The following HEPN1 variants were observed in gnomAD, a reference collection of about 807,000 sequenced individuals.
HEPN1 encodes protein HEPN1.
For missense variants in HEPN1, 97 were observed against 103.3 expected, an observed-to-expected ratio of 0.94 and a Z score of 0.26; for synonymous variants, 46 against 41.2, an observed-to-expected ratio of 1.12 and a Z score of -0.45.
At chr11:124,919,820 G>T in exon 1 of HEPN1, 1 of 1,614,162 alleles carries the variant, frequency 6.2e-7, no homozygotes, top group South Asian at 1.1e-5. Flanking sequence ...TAGGAGACTA[G>T]GGATGCAAGG....
At chr11:124,919,653 G>C in exon 1 of HEPN1, 1 of 1,382,364 alleles carries the variant, frequency 7.2e-7, no homozygotes, top group Admixed American at 2.0e-5. Context: ...GGGACAGGGA[G>C]CTGAGACAGG....
exon 1 of HEPN1, chr11:124,919,980 C>T (rs1947103850): frequency 1.2e-6 from 2 of 1,613,442 alleles, no homozygotes; most frequent in Admixed American, 1.7e-5. Context: ...GTCCTGGCTA[C>T]ACAGCGGCCC....
At chr11:124,920,448 C>T (rs373102814) in exon 1 of HEPN1, 11 of 1,545,890 alleles carry the variant, frequency 7.1e-6, no homozygotes, top group East Asian at 4.9e-5. Flanking sequence ...CTGGCAGGCT[C>T]GGGTTCTTTG....
At chr11:124,920,213 G>A in exon 1 of HEPN1, 5 of 863,322 alleles carry the variant, frequency 5.8e-6, no homozygotes, top group Non-Finnish European at 8.9e-6. Flanking sequence ...CTTTCCTGAG[G>A]ACAATGATTG....
chr11:124,919,630 G>A (rs1289834783), exon 1 of HEPN1: 6 of 1,148,884 alleles, frequency 5.2e-6, no homozygotes, highest in East Asian at 2.4e-5. Flanking sequence ...AAATGAGCCT[G>A]GGGAAGTGCC....
chr11:124,920,186 T>G, exon 1 of HEPN1: 2 of 900,280 alleles, frequency 2.2e-6, no homozygotes, highest in Non-Finnish European at 3.4e-6. Context: ...TTCTCACAGC[T>G]GGAGGAAGCT....
At chr11:124,919,750 G>A (rs780074085) in exon 1 of HEPN1, 4 of 1,613,558 alleles carry the variant, frequency 2.5e-6, no homozygotes, top group Non-Finnish European at 2.5e-6. Context: ...GTGTGGAGGT[G>A]ATGGGTAACT....
At chr11:124,919,669 T>C (rs1947096743) in exon 1 of HEPN1, 15 of 1,481,298 alleles carry the variant, frequency 1.0e-5, no homozygotes, top group Middle Eastern at 4.8e-4. Context: ...ACAGGCATGC[T>C]GTGGGGTTCA....
chr11:124,920,146 C>T, exon 1 of HEPN1: 1 of 1,081,216 alleles, frequency 9.2e-7, no homozygotes, highest in Non-Finnish European at 1.3e-6. Flanking sequence ...CTCCTCCTCC[C>T]CCCACCATTT....
chr11:124,920,376 C>T, exon 1 of HEPN1: 1 of 1,543,118 alleles, frequency 6.5e-7, no homozygotes, highest in Non-Finnish European at 8.8e-7. Context: ...TATTCATGAA[C>T]AGAGACAGAA....
chr11:124,920,041 T>A, exon 1 of HEPN1: 3 of 1,605,310 alleles, frequency 1.9e-6, no homozygotes, highest in Non-Finnish European at 1.7e-6. Flanking sequence ...CCTTTTTCTG[T>A]GCCCTGGGAC....
At chr11:124,920,035 T>C in exon 1 of HEPN1, 1 of 1,606,990 alleles carries the variant, frequency 6.2e-7, no homozygotes, top group South Asian at 1.1e-5. Flanking sequence ...GTCTGCCCTT[T>C]TTCTGTGCCC....
rs1230892007 is a variant in HEPN1, at chr11:124,919,480, C to T, written c.-271C>T. ...CACCCTAACCTTCACCTGTGCATCT[C>T]AAGGCTGACCAGCAGGTACTCCTTA... On this transcript the variant is annotated 5_prime_UTR_variant, in exon 1 of 1. The change creates a premature stop within an existing upstream ORF in the 5' untranslated region. Coordinates refer to ENST00000408930, the Ensembl canonical transcript of HEPN1. 2.0e-6 allele frequency: 1 copy of T among 505,790 alleles called. No homozygotes were observed. Among genetic ancestry groups the T allele is most frequent in the Non-Finnish European group, 3.6e-6 (1 of 280,778 alleles). 31.3% of individuals were successfully genotyped at this position (505,790 alleles called of 1,614,324 possible). A position where few individuals can be genotyped will look rare whatever the true frequency, so the allele number is the denominator to read the frequency against.
At chr11:124,920,534 T>C in exon 1 of HEPN1, 1 of 1,418,150 alleles carries the variant, frequency 7.1e-7, no homozygotes, top group South Asian at 1.3e-5. Context: ...GGTCCCCAGG[T>C]ACCAGGTGCC....
exon 1 of HEPN1, chr11:124,919,680 G>C: frequency 6.4e-7 from 1 of 1,553,158 alleles, no homozygotes; most frequent in Non-Finnish European, 8.8e-7. Flanking sequence ...GTGGGGTTCA[G>C]GGCAGAGGGG....
exon 1 of HEPN1, chr11:124,920,063 G>A (rs1206191778): frequency 1.3e-6 from 2 of 1,586,394 alleles, no homozygotes; most frequent in Non-Finnish European, 1.7e-6. Context: ...TGAGCATGTG[G>A]GAGCAGGGCA....
chr11:124,920,677 GCAAAAAAAAAAAAAAAAA>G (rs1947118449), downstream of HEPN1: 1 of 107,840 alleles, frequency 9.3e-6, no homozygotes, highest in Non-Finnish European at 1.2e-5. Context: ...ATCTGAACTT[GCAAAAAAAAAAAAAAAAA>G]AAAAAAAAAA....
exon 1 of HEPN1, chr11:124,919,407 A>C: frequency 3.7e-6 from 1 of 272,442 alleles, no homozygotes; most frequent in East Asian, 7.8e-5. Context: ...AAGCCTGGCA[A>C]GCTGGCCCCT....
At position 124,919,642 on chromosome 11, in the gene HEPN1, A is replaced by AGG; in HGVS notation, c.-107_-106dup. 7 of 1,288,526 alleles carry AGG rather than the reference A, an allele frequency of 5.4e-6. No homozygotes were observed. The highest frequency in any genetic ancestry group is 7.5e-6 in the Non-Finnish European group (7 of 933,552). 79.8% of individuals were successfully genotyped at this position (1,288,526 alleles called of 1,614,324 possible). On this transcript the variant is annotated 5_prime_UTR_variant, in exon 1 of 1. The change creates a premature stop within an existing upstream ORF in the 5' untranslated region. Transcript: ENST00000408930. ...CTCAAATGAGCCTGGGGAAGTGCCG[A>AGG]GGGACAGGGAGCTGAGACAGGCATG...
Sources: allele counts gnomAD v4.1 joint callset, GRCh38; gene constraint gnomAD v4.1.1; transcripts MANE v1.5; gene names NCBI Gene and HGNC (gene_info 2026-07-23, HGNC 2026-07-21).